The following FAS variants were observed in gnomAD, a reference collection of about 807,000 sequenced individuals.
FAS encodes the protein Fas cell surface death receptor, also known as tumor necrosis factor receptor superfamily member 6.
A neutral mutation model predicts 33.2 loss-of-function variants in FAS; 5 were observed. The ratio of observed to expected loss-of-function variants is 0.15; its 90% CI spans 0.08 to 0.32. FAS has a LOEUF of 0.32. FAS is among the 10% of genes least tolerant of loss of function. FAS has a pLI of 1.00. For synonymous variants in FAS, 131 were observed against 130.7 expected (o/e 1.00, Z -0.01); for missense variants, 339 against 386.0 (o/e 0.88, Z 1.02).
intron 8 of FAS, among the ~76,000 whole-genome samples, chr10:89,013,737 T>G (rs1977389): frequency 0.38 from 58,494 of 152,010 alleles, 11,370 homozygotes; most frequent in East Asian, 0.5. Context: ...TCCATTCAGT[T>G]GTTCTTTGAT....
At chr10:88,980,826 C>T (rs1473372610) in intron 2 of FAS, among the ~76,000 whole-genome samples, 1 of 152,152 alleles carries the variant, frequency 6.6e-6, no homozygotes, top group Non-Finnish European at 1.5e-5. Context: ...CTGGATTTAT[C>T]TGATATGTAA....
upstream of FAS, among the ~76,000 whole-genome samples, chr10:88,985,867 C>A (rs1383509880): frequency 3.3e-5 from 5 of 152,206 alleles, no homozygotes; most frequent in Admixed American, 3.3e-4. Context: ...TTAAGCCAAC[C>A]TTTCCAGAAG....
chr10:89,005,160 C>G (rs1234605602), intron 2 of FAS, among the ~76,000 whole-genome samples: 1 of 104,572 alleles, frequency 9.6e-6, no homozygotes, highest in Non-Finnish European at 1.8e-5. Flanking sequence ...TTATGTTTTC[C>G]TTTCATCAAA....
chr10:88,968,051 A>T (rs1846351857), intron 1 of FAS, among the ~76,000 whole-genome samples: 1 of 151,930 alleles, frequency 6.6e-6, no homozygotes, highest in South Asian at 2.1e-4. Context: ...TCTACTTGTG[A>T]CCTTAAGGTG....
At chr10:89,008,808 C>A in intron 3 of FAS, 81 bp from the exon 4 acceptor site, 1 of 1,293,950 alleles carries the variant, frequency 7.7e-7, no homozygotes, top group Non-Finnish European at 1.1e-6. Context: ...TCTCAAAAAT[C>A]CATGCAGCTC....
rs1393611155 is a variant in FAS at position 89,012,065 on chromosome 10, C to T, written c.635C>T (p.Ser212Phe). ...HRKENQGSHESPTLNPETVAI... is the reference protein window; with the variant it reads ...HRKENQGSHEFPTLNPETVAI... Reference sequence around the variant, plus strand: ...AAGGAAAACCAAGGTTCTCATGAATCTCCAACTTTAAATCCTGTAGGTATT... The same window carrying T: ...AAGGAAAACCAAGGTTCTCATGAATTTCCAACTTTAAATCCTGTAGGTATT... The change falls in exon 7 of 9, where the codon TCT (serine) becomes TTT (phenylalanine). Residue 212 changes from serine to phenylalanine, a missense_variant. Physicochemically the swap from Ser to Phe is radical, Grantham distance 155. Around this residue, in one of 3 missense-constraint regions of FAS, gnomAD observed 276 missense variants for 300.1 expected, o/e 0.92. Coordinates refer to ENST00000652046, the MANE Select transcript of FAS (RefSeq NM_000043.6). 1 of 1,613,446 alleles carries T rather than the reference C, an allele frequency of 6.2e-7. No individual in the cohort carries two copies. Among genetic ancestry groups the T allele is most frequent in the Non-Finnish European group, 8.5e-7 (1 of 1,179,406 alleles).
At chr10:88,982,792 T>C (rs1205814360), upstream of FAS, among the ~76,000 whole-genome samples, 2 of 152,356 alleles carry the variant, frequency 1.3e-5, no homozygotes, top group East Asian at 3.9e-4. Context: ...ATGTTTATAA[T>C]GAGATTACTG....
Position 89,013,325 on chromosome 10 carries a change from C to T in FAS, c.652-18C>T, listed in dbSNP as rs765045011. 1 of 1,608,840 alleles carries T rather than the reference C, an allele frequency of 6.2e-7. No homozygotes were observed. The highest frequency in any genetic ancestry group is 8.5e-7 in the Non-Finnish European group (1 of 1,176,760). ...TATTTTTATTTGTCTTTCTCTGCTT[C>T]CATTTTTTGCTTTCTAGGAAACAGT... On this transcript the variant is annotated intron_variant, in intron 7 of 8. Transcript: ENST00000652046.
At chr10:88,991,315 G>T (rs1589441149) in intron 1 of FAS, 1 of 360,986 alleles carries the variant, frequency 2.8e-6, no homozygotes, top group Non-Finnish European at 5.3e-6. Context: ...TCCTGGACAA[G>T]CCCTGACAAG....
chr10:88,984,040 T>C (rs984233536), upstream of FAS, among the ~76,000 whole-genome samples: 1 of 152,168 alleles, frequency 6.6e-6, no homozygotes, highest in Admixed American at 6.5e-5. Context: ...GATGGTAAAA[T>C]GCCTCTTCCT....
At chr10:89,001,162 G>C (rs1847906376) in intron 1 of FAS, among the ~76,000 whole-genome samples, 1 of 151,996 alleles carries the variant, frequency 6.6e-6, no homozygotes, top group South Asian at 2.1e-4. Context: ...CGTTTGCAGT[G>C]TGATGCTGTG....
At chr10:88,979,939 A>T (rs991896732) in intron 2 of FAS, among the ~76,000 whole-genome samples, 1 of 152,214 alleles carries the variant, frequency 6.6e-6, no homozygotes, top group African/African-American at 2.4e-5. Flanking sequence ...TATAGTTCTT[A>T]CGTTCAAAGA....
intron 3 of FAS, among the ~76,000 whole-genome samples, chr10:89,008,236 CT>C (rs1460035047): frequency 6.6e-6 from 1 of 152,142 alleles, no homozygotes; most frequent in African/African-American, 2.4e-5. Context: ...CTCCCCCTTT[CT>C]TTGGGGATTT....
chr10:88,990,605 T>A, upstream of FAS: 1 of 681,880 alleles, frequency 1.5e-6, no homozygotes, highest in Non-Finnish European at 2.7e-6. The surrounding 1 kb of genome is among the most constrained non-coding windows in gnomAD (Gnocchi z 4.9). Context: ...CGAGGCTTCC[T>A]TCCCATCCTC....
rs138606548 is a variant in FAS at position 89,014,181 on chromosome 10, G to C, written c.739G>C (p.Gly247Arg). 1 of 1,613,854 alleles carries C rather than the reference G, an allele frequency of 6.2e-7. No individual in the cohort carries two copies. The highest frequency in any genetic ancestry group is 8.5e-7 in the Non-Finnish European group (1 of 1,179,906). The change falls in exon 9 of 9, where the codon GGC (glycine) becomes CGC (arginine). Residue 247 changes from glycine to arginine, a missense_variant. By Grantham distance (125) the Gly-to-Arg change is moderately radical (BLOSUM62 -2). Transcript: ENST00000652046. ...AGVMTLSQVK[G>R]FVRKNGVNEA... ...AGTCATGACACTAAGTCAAGTTAAA[G>C]GCTTTGTTCGAAAGAATGGTGTCAA...
chr10:89,009,045 G>T lies in FAS; in HGVS notation c.443+48G>T, dbSNP rs577813900. ...TTAAAACACTAGATATAACATGAGA[G>T]TTATCATTTTCCTAGGGAAGTAACA... is the stretch of plus-strand genomic sequence containing the variant. On this transcript the variant is annotated intron_variant, in intron 4 of 8. Transcript: ENST00000652046. 24 of 1,480,284 alleles carry T rather than the reference G, an allele frequency of 1.6e-5. 1 individual carries two copies. In the South Asian group the frequency reaches 2.6e-4, roughly 16 times the overall value. The allele number at this position is 1,480,284 out of a possible 1,614,324, so 91.7% of individuals were successfully genotyped here. A position where few individuals can be genotyped will look rare whatever the true frequency, so the allele number is the denominator to read the frequency against.
upstream of FAS, among the ~76,000 whole-genome samples, chr10:88,985,270 G>T (rs1846842500): frequency 1.3e-5 from 2 of 152,110 alleles, no homozygotes; most frequent in South Asian, 4.1e-4. Flanking sequence ...TATATCTAGG[G>T]ACTCTGTCCT....
At chr10:89,005,378 AT>A (rs1203318173) in intron 2 of FAS, among the ~76,000 whole-genome samples, 1 of 152,134 alleles carries the variant, frequency 6.6e-6, no homozygotes, top group East Asian at 1.9e-4. Flanking sequence ...TATTTACAGT[AT>A]TTTTAAGTGA....
upstream of FAS, among the ~76,000 whole-genome samples, chr10:88,982,439 T>G (rs978923961): frequency 7.9e-5 from 12 of 152,028 alleles, no homozygotes; most frequent in African/African-American, 2.7e-4. Flanking sequence ...TTTTTTTTTT[T>G]GAAATGAGGA....
Sources: gnomAD v4.1 joint callset for allele counts (sites outside exome capture counted in the v4.1 genomes callset) on GRCh38, gnomAD v4.1.1 for gene constraint, gnomAD v4.1.1 regional missense constraint, Gnocchi (gnomAD v3.1) non-coding constraint, MANE v1.5 for transcripts, NCBI Gene and HGNC (gene_info 2026-07-23, HGNC 2026-07-21) for gene names.